Variants in CALCR observed in about 807,000 individuals in gnomAD.
CALCR encodes calcitonin receptor.
Under a neutral mutation model 59.5 loss-of-function variants are expected in CALCR, and 47 were observed. That is an observed-to-expected ratio of 0.79 (90% confidence interval 0.63 to 1.01). The LOEUF is 1.01. Among genes scored for constraint, CALCR ranks in the 50% least tolerant of loss-of-function variants. The probability of loss-of-function intolerance (pLI) is 0.00; values close to 1 mark genes in which losing one functional copy is unlikely to be tolerated. For synonymous variants in CALCR, 213 were observed against 211.3 expected, an observed-to-expected ratio of 1.01 and a Z score of -0.07; for missense variants, 566 against 597.1, an observed-to-expected ratio of 0.95 and a Z score of 0.54.
At chr7:93,453,709 G>GT (rs1800153267) in intron 8 of CALCR, among the ~76,000 whole-genome samples, 1 of 151,964 alleles carries the variant, frequency 6.6e-6, no homozygotes, top group Non-Finnish European at 1.5e-5. Context: ...GATTTCATGT[G>GT]TAGAGGTACC....
chr7:93,498,865 T>G (rs1020993672), intron 2 of CALCR, among the ~76,000 whole-genome samples: 1 of 151,716 alleles, frequency 6.6e-6, no homozygotes, highest in Non-Finnish European at 1.5e-5. Flanking sequence ...GTTCAAGGTT[T>G]CCTTGTAACT....
chr7:93,526,741 G>A (rs1801885193), intron 2 of CALCR, among the ~76,000 whole-genome samples: 1 of 152,178 alleles, frequency 6.6e-6, no homozygotes, highest in Admixed American at 6.5e-5. Context: ...TAGACAGATA[G>A]TCCAATATGT....
intron 2 of CALCR, among the ~76,000 whole-genome samples, chr7:93,526,163 C>A (rs1388271571): frequency 6.6e-6 from 1 of 152,106 alleles, no homozygotes. Flanking sequence ...GCTTTAGAGT[C>A]CATCTTTGTG....
chr7:93,474,581 T>C (rs942045707), intron 5 of CALCR, among the ~76,000 whole-genome samples: 2 of 151,716 alleles, frequency 1.3e-5, no homozygotes, highest in Non-Finnish European at 2.9e-5. Flanking sequence ...TTAAATAACA[T>C]AGAAATAATG....
At chr7:93,458,940 A>G (rs1033056016) in intron 8 of CALCR, among the ~76,000 whole-genome samples, 1 of 152,222 alleles carries the variant, frequency 6.6e-6, no homozygotes, top group African/African-American at 2.4e-5. Flanking sequence ...GAATCATTCA[A>G]TTAAAGTGCA....
chr7:93,547,074 G>A (rs1451868991), intron 2 of CALCR, among the ~76,000 whole-genome samples: 1 of 152,108 alleles, frequency 6.6e-6, no homozygotes, highest in Non-Finnish European at 1.5e-5. Flanking sequence ...CCTGACTCTA[G>A]CAAATGCCAA....
chr7:93,513,394 A>G (rs540858643), intron 2 of CALCR, among the ~76,000 whole-genome samples: 1 of 152,320 alleles, frequency 6.6e-6, no homozygotes, highest in South Asian at 2.1e-4. Flanking sequence ...ATTAAATACT[A>G]CAGTATAGAA....
intron 6 of CALCR, among the ~76,000 whole-genome samples, chr7:93,469,536 T>C (rs1800510523): frequency 6.6e-6 from 1 of 151,662 alleles, no homozygotes; most frequent in South Asian, 2.1e-4. Flanking sequence ...CTTCTCTGTC[T>C]CTCTGTTTCT....
chr7:93,481,040 C>T (rs1311128441), intron 3 of CALCR, among the ~76,000 whole-genome samples: 1 of 151,790 alleles, frequency 6.6e-6, no homozygotes, highest in Admixed American at 6.6e-5. Flanking sequence ...AGGTTAGCAA[C>T]CTCTCACTAG....
chr7:93,489,649 T>C (rs983501084), intron 2 of CALCR, among the ~76,000 whole-genome samples: 1 of 151,782 alleles, frequency 6.6e-6, no homozygotes, highest in Non-Finnish European at 1.5e-5. Flanking sequence ...TCTACACAAA[T>C]AAACTAGAAA....
intron 9 of CALCR, among the ~76,000 whole-genome samples, chr7:93,443,336 A>G (rs1267973114): frequency 6.6e-6 from 1 of 152,108 alleles, no homozygotes; most frequent in East Asian, 1.9e-4. Flanking sequence ...TGTGTCCATC[A>G]TTAGCTAGGT....
intron 8 of CALCR, among the ~76,000 whole-genome samples, chr7:93,455,409 T>C (rs1800190625): frequency 6.6e-6 from 1 of 152,050 alleles, no homozygotes; most frequent in Admixed American, 6.6e-5. Context: ...TGCTTTTCTT[T>C]GTCTCTTCTT....
intron 8 of CALCR, among the ~76,000 whole-genome samples, chr7:93,445,949 C>A (rs535468335): frequency 6.6e-6 from 1 of 151,914 alleles, no homozygotes; most frequent in Non-Finnish European, 1.5e-5. Flanking sequence ...GACATTTGTT[C>A]GTAGTATGAG....
intron 2 of CALCR, among the ~76,000 whole-genome samples, chr7:93,565,474 GTATTCAC>G (rs1789843458): frequency 6.6e-6 from 1 of 152,108 alleles, no homozygotes; most frequent in South Asian, 2.1e-4. Context: ...CATTGACCTT[GTATTCAC>G]TAAAATAACA....
intron 2 of CALCR, among the ~76,000 whole-genome samples, chr7:93,507,343 G>A (rs761377123): frequency 6.6e-6 from 1 of 152,060 alleles, no homozygotes. Context: ...GTTAATGCCT[G>A]ATGGAGAAAA....
chr7:93,479,350 T>A lies in CALCR; in HGVS notation c.205+4A>T, dbSNP rs556460271. 3.1e-6 allele frequency: 5 copies of A among 1,605,326 alleles called. No homozygotes were observed. The highest frequency in any genetic ancestry group is 4.3e-6 in the Non-Finnish European group (5 of 1,176,336). ...CATATGTTCATATATATCCTTCTCT[T>A]TACCTTCTCCTTGGTATGCGGGTAA... On this transcript the variant is annotated splice_donor_region_variant and intron_variant, in intron 4 of 13. Coordinates refer to ENST00000426151, the MANE Select transcript of CALCR (RefSeq NM_001742.4).
At chr7:93,523,873 T>A (rs1296228230) in intron 2 of CALCR, among the ~76,000 whole-genome samples, 1 of 152,054 alleles carries the variant, frequency 6.6e-6, no homozygotes, top group African/African-American at 2.4e-5. Flanking sequence ...CCTTTTGAAG[T>A]CACTGATTTT....
chr7:93,534,310 A>G (rs66727311), intron 2 of CALCR, among the ~76,000 whole-genome samples: 18,939 of 151,756 alleles, frequency 0.12, 2,056 homozygotes, highest in East Asian at 0.36. Context: ...ATGATTAAGG[A>G]GCAAGTCCAA....
chr7:93,485,242 G>C (rs986226375), intron 3 of CALCR, among the ~76,000 whole-genome samples: 2 of 151,544 alleles, frequency 1.3e-5, no homozygotes, highest in Non-Finnish European at 3.0e-5. Flanking sequence ...ACCCATTTAA[G>C]TGCCCTGTTC....
Sources: gnomAD v4.1 joint callset for allele counts (sites outside exome capture counted in the v4.1 genomes callset) on GRCh38, gnomAD v4.1.1 for gene constraint, MANE v1.5 for transcripts, NCBI Gene and HGNC (gene_info 2026-07-23, HGNC 2026-07-21) for gene names.